ZNF568: variants seen among roughly 807,000 people sequenced by gnomAD.
The protein encoded by ZNF568 is p53 inhibitor of SCO2 activation.
In ZNF568, 11 loss-of-function variants were observed where a neutral mutation model predicts 18.1. That is an observed-to-expected ratio of 0.61 (90% CI 0.38 to 1.00). The LOEUF (loss-of-function observed/expected upper bound fraction) is 1.00, where lower values mean the gene tolerates loss of function less well. Ranked by LOEUF, ZNF568 falls within the 50% of genes least tolerant of loss-of-function variation. ZNF568 has a pLI of 0.01. For synonymous variants in ZNF568, 213 were observed against 246.6 expected (o/e 0.86, Z 1.28); for missense variants, 639 against 768.2 (o/e 0.83, Z 1.99).
chr19:36,926,883 C>T (rs574964423), intron 4 of ZNF568, among the ~76,000 whole-genome samples: 1 of 152,222 alleles, frequency 6.6e-6, no homozygotes, highest in East Asian at 1.9e-4. Flanking sequence ...GTGTCATAAA[C>T]CCAGGATTCA....
chr19:36,991,695 C>A, intron 3 of ZNF568: 1 of 1,407,080 alleles, frequency 7.1e-7, no homozygotes, highest in South Asian at 1.3e-5. Context: ...TAATTAGGGA[C>A]TGATTTTTAA....
At chr19:36,997,193 A>G (rs758146013) in exon 5 of ZNF568, 3 of 1,607,004 alleles carry the variant, frequency 1.9e-6, no homozygotes, top group South Asian at 1.1e-5. Context: ...CAAAGAATTC[A>G]TACTGGTGAG....
chr19:36,996,074 C>A (rs1600865664), intron 4 of ZNF568, among the ~76,000 whole-genome samples: 2 of 152,058 alleles, frequency 1.3e-5, no homozygotes, highest in East Asian at 3.9e-4. Flanking sequence ...TTAAATGTAT[C>A]AGAGATGTGG....
chr19:36,948,658 A>ATTTTTTTTTTTTT lies in ZNF568; in HGVS notation c.359-841_359-829dup, dbSNP rs4069585. Among the ~76,000 whole-genome samples the ATTTTTTTTTTTTT allele has an allele frequency of 7.1e-4, 59 of 83,564 alleles. 3 individuals are homozygous for ATTTTTTTTTTTTT. The highest frequency in any genetic ancestry group is 2.3e-3 in the African/African-American group (49 of 21,004). 54.8% of individuals were successfully genotyped at this position (83,564 alleles called of 152,430 possible). A position where few individuals can be genotyped will look rare whatever the true frequency, so the allele number is the denominator to read the frequency against. On this transcript the variant is annotated intron_variant, in intron 6 of 6. Transcript: ENST00000333987. ...TTGCAGCAGGGGTTTTTTGTTGTTG[A>ATTTTTTTTTTTTT]TTTTTTTTTTTTTTTTTTTTTTTTT...
chr19:36,963,654 A>C (rs1478958408), intron 6 of ZNF568, among the ~76,000 whole-genome samples: 1 of 152,126 alleles, frequency 6.6e-6, no homozygotes, highest in Admixed American at 6.6e-5. Context: ...TAACATTGGT[A>C]ATATCTTTTC....
At position 36,962,336 on chromosome 19, in the gene ZNF568, C is replaced by CTT. The variant is rs76251375; in HGVS notation, c.359-12070_359-12069dup. 1.4e-3 allele frequency among the ~76,000 whole-genome samples: 59 copies of CTT among 43,098 alleles called. 1 individual carries two copies. The highest frequency in any genetic ancestry group is 2.6e-3 in the African/African-American group (28 of 10,798). The allele number at this position is 43,098 out of a possible 152,430, so 28.3% of individuals were successfully genotyped here. ...TTAAGACCCCCTTGAGCTTTTCTTT[C>CTT]TTTTTTTTTTTTTTTCGTTTCTGAG... On this transcript the variant is annotated intron_variant, in intron 6 of 7. Transcript: ENST00000427117.
intron 4 of ZNF568, among the ~76,000 whole-genome samples, chr19:36,926,863 G>A (rs1238375127): frequency 3.9e-5 from 6 of 151,948 alleles, no homozygotes; most frequent in African/African-American, 1.5e-4. Flanking sequence ...ACATAACATC[G>A]TGCATCAATG....
At chr19:36,937,050 C>T (rs557155089) in intron 5 of ZNF568, 97 bp from the exon 6 acceptor site, 1 of 1,399,116 alleles carries the variant, frequency 7.1e-7, no homozygotes, top group Non-Finnish European at 9.8e-7. Context: ...TTCATTCATC[C>T]TCATCTTTTA....
At chr19:36,924,372 C>G (rs998793401) in intron 3 of ZNF568, among the ~76,000 whole-genome samples, 15 of 151,870 alleles carry the variant, frequency 9.9e-5, no homozygotes, top group African/African-American at 3.6e-4. Flanking sequence ...GCGCACGCCA[C>G]TACGCCCAGC....
At chr19:36,967,556 CCTT>C (rs1414793862) in intron 6 of ZNF568, among the ~76,000 whole-genome samples, 2 of 152,078 alleles carry the variant, frequency 1.3e-5, no homozygotes, top group African/African-American at 2.4e-5. Context: ...GAGCAATACT[CCTT>C]CTCAAAAAAA....
chr19:36,985,243 C>A (rs1600855176), intron 2 of ZNF568, among the ~76,000 whole-genome samples: 3 of 152,068 alleles, frequency 2.0e-5, no homozygotes, highest in East Asian at 3.9e-4. Context: ...ATTTTTATTT[C>A]TTTTCCTTTT....
intron 6 of ZNF568, among the ~76,000 whole-genome samples, chr19:36,958,866 C>A (rs1386820612): frequency 6.6e-6 from 1 of 152,022 alleles, no homozygotes; most frequent in Non-Finnish European, 1.5e-5. Context: ...AGTGATCGAA[C>A]CTCCTCGGCC....
At chr19:36,990,208 G>A (rs1212999787) in intron 2 of ZNF568, among the ~76,000 whole-genome samples, 1 of 152,196 alleles carries the variant, frequency 6.6e-6, no homozygotes, top group Non-Finnish European at 1.5e-5. Flanking sequence ...CGCACCTCGT[G>A]TGACATCGTT....
chr19:36,918,659 A>G (rs544964), intron 2 of ZNF568, among the ~76,000 whole-genome samples: 87,986 of 151,944 alleles, frequency 0.58, 25,973 homozygotes, highest in African/African-American at 0.67. Flanking sequence ...TTTACCATCT[A>G]AACCATATAT....
At chr19:36,924,502 G>C (rs62115613) in intron 3 of ZNF568, among the ~76,000 whole-genome samples, 145,863 of 145,876 alleles carry the variant, frequency 1, 72,925 homozygotes, top group Middle Eastern at 1. Context: ...CAGGCGTGAC[G>C]ACCGCGCCTG....
At chr19:36,974,992 A>T (rs2074269591) in intron 7 of ZNF568, among the ~76,000 whole-genome samples, 1 of 149,906 alleles carries the variant, frequency 6.7e-6, no homozygotes, top group African/African-American at 2.5e-5. Flanking sequence ...ACGCCCAGCT[A>T]ATTTTTGTAT....
At chr19:36,994,018 T>G (rs2074447764) in intron 4 of ZNF568, among the ~76,000 whole-genome samples, 1 of 150,958 alleles carries the variant, frequency 6.6e-6, no homozygotes, top group Non-Finnish European at 1.5e-5. Flanking sequence ...GATATCTCTG[T>G]TTTTTTTTCT....
intron 6 of ZNF568, among the ~76,000 whole-genome samples, chr19:36,964,959 C>T (rs1229342447): frequency 2.7e-5 from 4 of 150,020 alleles, no homozygotes; most frequent in East Asian, 2.0e-4. Flanking sequence ...TGATCTTCTG[C>T]GCTCTCCTAG....
intron 4 of ZNF568, among the ~76,000 whole-genome samples, chr19:36,928,419 C>T (rs551260169): frequency 1.1e-4 from 16 of 152,158 alleles, no homozygotes; most frequent in Admixed American, 3.9e-4. Flanking sequence ...ATTATTCACA[C>T]GCATACAACA....
Sources: gnomAD v4.1 joint callset for allele counts (sites outside exome capture counted in the v4.1 genomes callset) on GRCh38, gnomAD v4.1.1 for gene constraint, MANE v1.5 for transcripts, NCBI Gene and HGNC (gene_info 2026-07-23, HGNC 2026-07-21) for gene names.